The following TRIP4 variants were observed in gnomAD, a reference collection of about 807,000 sequenced individuals.
TRIP4 encodes the protein thyroid hormone receptor interactor 4.
Under a neutral mutation model 81.8 loss-of-function variants are expected in TRIP4, and 54 were observed. That is an observed-to-expected ratio of 0.66 (90% CI 0.53 to 0.83). The LOEUF (loss-of-function observed/expected upper bound fraction) is 0.83. Among genes scored for constraint, TRIP4 ranks in the 40% least tolerant of loss-of-function variants. TRIP4 has a pLI of 0.00. For missense variants in TRIP4, 662 were observed against 683.6 expected, an observed-to-expected ratio of 0.97 and a Z score of 0.35; for synonymous variants, 270 against 242.8, an observed-to-expected ratio of 1.11 and a Z score of -1.04.
chr15:64,409,674 T>C lies in TRIP4; in HGVS notation c.889T>C (p.Trp297Arg), dbSNP rs1566975915. 2.5e-6 allele frequency: 4 copies of C among 1,614,198 alleles called. No individual in the cohort carries two copies. The highest frequency in any genetic ancestry group is 1.7e-4 in the Middle Eastern group (1 of 6,060). The part of the protein sequence containing the change: ...SDYFASDSNQ[W>R]LSKLERETLQ... ...TTACTTTGCCAGTGATTCTAACCAA[T>C]GGTTGTCCAAACTTGAGCGGGAAAC... Residue 297 changes from tryptophan (W) to arginine (R), a missense_variant, in exon 7 of 13, where the codon TGG (tryptophan) becomes CGG (arginine). Trp to Arg is a moderately radical substitution (Grantham distance 101, BLOSUM62 -3). Coordinates refer to ENST00000261884, the MANE Select transcript of TRIP4 (RefSeq NM_016213.5).
intron 1 of TRIP4, chr15:64,393,311 G>C (rs1449226479): frequency 7.0e-6 from 1 of 142,162 alleles, no homozygotes. Flanking sequence ...TACCATACCC[G>C]CCTAATTTTT....
intron 11 of TRIP4, among the ~76,000 whole-genome samples, chr15:64,441,512 G>T (rs1296436670): frequency 6.6e-6 from 1 of 150,522 alleles, no homozygotes; most frequent in African/African-American, 2.4e-5. Flanking sequence ...GGTGGCTCAC[G>T]CCTGTAATCC....
At chr15:64,402,584 C>T (rs950691481) in intron 5 of TRIP4, among the ~76,000 whole-genome samples, 101 of 148,506 alleles carry the variant, frequency 6.8e-4, no homozygotes, top group African/African-American at 2.2e-3. Context: ...AGTGCAATGG[C>T]GCGATCTCAG....
intron 11 of TRIP4, among the ~76,000 whole-genome samples, chr15:64,443,113 G>A (rs527390628): frequency 6.6e-6 from 1 of 152,150 alleles, no homozygotes; most frequent in Non-Finnish European, 1.5e-5. Context: ...TACTTATAGT[G>A]AATTCAAGAA....
intron 9 of TRIP4, among the ~76,000 whole-genome samples, chr15:64,420,278 C>A (rs990121629): frequency 1.2e-4 from 18 of 151,126 alleles, no homozygotes; most frequent in Non-Finnish European, 2.2e-4. Context: ...TGTGCCACCA[C>A]GCCTGGCTAT....
Position 64,420,547 on chromosome 15 carries a change from G to A in TRIP4, c.1358+1819G>A, listed in dbSNP as rs1268260186. On this transcript the variant is annotated intron_variant, in intron 9 of 12. Coordinates refer to ENST00000261884, the MANE Select transcript of TRIP4 (RefSeq NM_016213.5). ...CTTATTTCTTTTTTTTTTTTGAAAT[G>A]AAGTCTTGCTCTGTCGCCCTAGCTG... Among the ~76,000 whole-genome samples the A allele has an allele frequency of 2.2e-5, 3 of 139,078 alleles. No individual in the cohort carries two copies. In the East Asian group the frequency reaches 6.5e-4, roughly 30 times the overall value. The allele number at this position is 139,078 out of a possible 152,430, so 91.2% of individuals were successfully genotyped here.
At chr15:64,435,183 C>T (rs1010278907) in intron 11 of TRIP4, among the ~76,000 whole-genome samples, 3 of 126,046 alleles carry the variant, frequency 2.4e-5, no homozygotes, top group Non-Finnish European at 4.7e-5. Context: ...CAGTGCACTC[C>T]AGCCTGAGTG....
At chr15:64,436,677 G>C (rs1442430202) in intron 11 of TRIP4, among the ~76,000 whole-genome samples, 1 of 143,616 alleles carries the variant, frequency 7.0e-6, no homozygotes, top group African/African-American at 2.6e-5. Context: ...TCCTTCTTTG[G>C]GTTCCTACTG....
intron 2 of TRIP4, among the ~76,000 whole-genome samples, chr15:64,394,724 T>C (rs72758949): frequency 2.2e-4 from 34 of 152,298 alleles, no homozygotes; most frequent in South Asian, 1.2e-3. Flanking sequence ...CGTGCATACC[T>C]GGATGTAAGT....
chr15:64,414,648 C>T (rs1350202074), intron 8 of TRIP4, among the ~76,000 whole-genome samples: 1 of 149,852 alleles, frequency 6.7e-6, no homozygotes, highest in African/African-American at 2.4e-5. Flanking sequence ...TCCTGAGTAG[C>T]TGGGACTACA....
rs1900127689 is a variant in TRIP4, at chr15:64,391,435, G to A, written c.102-2511G>A. Among the ~76,000 whole-genome samples, 5 of 152,006 alleles carry A rather than the reference G, an allele frequency of 3.3e-5. No homozygotes were observed. In the South Asian group the frequency reaches 1.0e-3, roughly 32 times the overall value. On this transcript the variant is annotated intron_variant, in intron 1 of 12. Coordinates refer to ENST00000261884, the MANE Select transcript of TRIP4 (RefSeq NM_016213.5). ...CTCCCAAAGTGCTGGGATTACAGGT[G>A]TGAGCCACTGCACCCGGCCTTAACT... is the stretch of plus-strand genomic sequence containing the variant.
At chr15:64,441,697 C>T (rs1034092957) in intron 11 of TRIP4, among the ~76,000 whole-genome samples, 5 of 151,906 alleles carry the variant, frequency 3.3e-5, no homozygotes, top group African/African-American at 1.2e-4. Flanking sequence ...GGTGTGAACC[C>T]GGGAGATGGA....
chr15:64,454,176 A>G (rs1470439988), intron 12 of TRIP4, among the ~76,000 whole-genome samples: 2 of 123,262 alleles, frequency 1.6e-5, no homozygotes, highest in African/African-American at 3.1e-5. Context: ...TTATGTTTCT[A>G]TTTTCAGCAT....
At chr15:64,389,457 C>T (rs966175570) in intron 1 of TRIP4, among the ~76,000 whole-genome samples, 6 of 151,986 alleles carry the variant, frequency 3.9e-5, no homozygotes, top group African/African-American at 1.2e-4. Flanking sequence ...CATAGTGAGA[C>T]CCTGTCTCTA....
chr15:64,431,843 A>ATT (rs1412962305), intron 11 of TRIP4, among the ~76,000 whole-genome samples: 1 of 28,896 alleles, frequency 3.5e-5, no homozygotes, highest in African/African-American at 6.6e-5. Context: ...ATATATATAT[A>ATT]TATATTTTTT....
chr15:64,402,920 C>T (rs1053797712), intron 5 of TRIP4, among the ~76,000 whole-genome samples: 5 of 151,834 alleles, frequency 3.3e-5, no homozygotes, highest in African/African-American at 7.3e-5. Context: ...AGTGTGGTGG[C>T]GTGATCTCGG....
At chr15:64,414,718 C>T (rs75250856) in intron 8 of TRIP4, among the ~76,000 whole-genome samples, 14,264 of 151,772 alleles carry the variant, frequency 0.094, 1,363 homozygotes, top group African/African-American at 0.24. Flanking sequence ...AGGGTTTCAC[C>T]GTGTTAGCCA....
intron 5 of TRIP4, among the ~76,000 whole-genome samples, chr15:64,405,826 T>C (rs1891609834): frequency 1.3e-5 from 2 of 152,136 alleles, no homozygotes; most frequent in South Asian, 4.1e-4. Flanking sequence ...GAGACCCGCC[T>C]CTCTACAAAA....
rs776398738 is a variant in TRIP4, at chr15:64,424,088, A to C, written c.1416A>C (p.Thr472=). ...GAGGACGACTTTGGATAGCAGCCACAGCTAAAAAACCCTCCCCTCAAGAAG... is the reference window on the plus strand; with the variant it reads ...GAGGACGACTTTGGATAGCAGCCACCGCTAAAAAACCCTCCCCTCAAGAAG... ...PHRGRLWIAA[T]AKKPSPQEVS... The change falls in exon 10 of 13, where the codon ACA becomes ACC. Residue 472 remains threonine (T), a synonymous_variant. Coordinates refer to ENST00000261884, the MANE Select transcript of TRIP4 (RefSeq NM_016213.5). 6.2e-7 allele frequency: 1 copy of C among 1,614,176 alleles called. No individual in the cohort carries two copies. Among genetic ancestry groups the C allele is most frequent in the Non-Finnish European group, 8.5e-7 (1 of 1,180,036 alleles).
Sources: allele counts gnomAD v4.1 joint callset (sites outside exome capture counted in the v4.1 genomes callset), GRCh38; gene constraint gnomAD v4.1.1; transcripts MANE v1.5; gene names NCBI Gene and HGNC (gene_info 2026-07-23, HGNC 2026-07-21).